The following NSD2 variants were observed in gnomAD, a reference collection of about 807,000 sequenced individuals.
NSD2 encodes the protein nuclear receptor binding SET domain protein 2, also known as histone-lysine N-methyltransferase NSD2.
In NSD2, 12 loss-of-function variants were observed where a neutral mutation model predicts 139.0. The ratio of observed to expected loss-of-function variants is 0.09; its 90% confidence interval spans 0.06 to 0.14. The LOEUF is 0.14. Ranked by LOEUF, NSD2 falls within the 10% of genes least tolerant of loss-of-function variation. The pLI, the probability that NSD2 is intolerant of heterozygous loss-of-function variation, is 1.00. For missense variants in NSD2, 1,155 were observed against 1,745.0 expected (o/e 0.66, Z 6.02); for synonymous variants, 669 against 648.7 (o/e 1.03, Z -0.48).
rs759329018 is a variant in NSD2, at chr4:1,976,888, A to G, written c.3826+209A>G. Among the ~76,000 whole-genome samples, 23 of 152,196 alleles carry G rather than the reference A, an allele frequency of 1.5e-4. No homozygotes were observed. The highest frequency in any genetic ancestry group is 2.2e-4 in the Non-Finnish European group (15 of 68,026). On this transcript the variant is annotated intron_variant, in intron 21 of 21. Transcript: ENST00000508803. The surrounding 1 kb of genome is among the most constrained non-coding windows in gnomAD (Gnocchi z 5.3). ...GATCTCTGCATCGAGCAGAGAAGAT[A>G]TGTGGTGACGGGGTAGCCCCTGGAA...
At chr4:1,927,711 T>C (rs976375877) in intron 5 of NSD2, among the ~76,000 whole-genome samples, 2 of 114,668 alleles carry the variant, frequency 1.7e-5, no homozygotes, top group Non-Finnish European at 3.3e-5. Context: ...AATGAGACTC[T>C]TATCTCAGAA....
rs376461775 is a variant in NSD2, at chr4:1,917,054, C to T, written c.927+17C>T. 1.3e-6 allele frequency: 2 copies of T among 1,580,028 alleles called. No individual in the cohort carries two copies. The highest frequency in any genetic ancestry group is 1.4e-5 in the African/African-American group (1 of 73,380). ...AAAATTAAGGTGATAGATGACCCTT[C>T]AGTCTACTTTTAGACCAGAAATTTA... On this transcript the variant is annotated intron_variant, in intron 4 of 21. Coordinates refer to ENST00000508803, the MANE Select transcript of NSD2 (RefSeq NM_001042424.3).
intron 11 of NSD2, chr4:1,952,666 T>G (rs1484961846): frequency 1.1e-4 from 114 of 1,024,946 alleles, no homozygotes; most frequent in Non-Finnish European, 1.3e-4. Flanking sequence ...AGTGTCACCT[T>G]GAGCCTCAGT....
At chr4:1,872,369 C>T (rs916353401) in intron 1 of NSD2, among the ~76,000 whole-genome samples, 2 of 152,106 alleles carry the variant, frequency 1.3e-5, no homozygotes, top group African/African-American at 4.8e-5. Context: ...TCACAGGAAC[C>T]GTGGTTTAAA....
chr4:1,916,970 A>G lies in NSD2; in HGVS notation c.860A>G (p.Glu287Gly), dbSNP rs746743921. The G allele has an allele frequency of 1.2e-6, 2 of 1,614,044 alleles. No individual in the cohort carries two copies. The highest frequency in any genetic ancestry group is 2.2e-5 in the South Asian group (2 of 91,080). ...AAGAGCCTCGTAGCTTTTGAAGGAGAAGGACAGTTTGAAAAATTATGCCAG... is the reference window on the plus strand; with the variant it reads ...AAGAGCCTCGTAGCTTTTGAAGGAGGAGGACAGTTTGAAAAATTATGCCAG... ...FEKSLVAFEG[E>G]GQFEKLCQES... is the part of the protein sequence containing the mutation. Residue 287 changes from glutamate to glycine, a missense_variant, in exon 4 of 22, where the codon GAA (glutamate) becomes GGA (glycine). By Grantham distance (98) the Glu-to-Gly change is moderately conservative (BLOSUM62 -2). Coordinates refer to ENST00000508803, the MANE Select transcript of NSD2 (RefSeq NM_001042424.3).
At chr4:1,911,503 G>A (rs1452609219) in intron 3 of NSD2, among the ~76,000 whole-genome samples, 4 of 148,486 alleles carry the variant, frequency 2.7e-5, no homozygotes, top group South Asian at 2.1e-4. Context: ...CATGAGAATC[G>A]CTTGAGCCCA....
chr4:1,966,410 G>A (rs889200389), intron 18 of NSD2, among the ~76,000 whole-genome samples: 7 of 151,924 alleles, frequency 4.6e-5, no homozygotes, highest in African/African-American at 7.3e-5. Flanking sequence ...TAATTCCAGC[G>A]CTTTGGGAGG....
At chr4:1,940,246 T>G in intron 9 of NSD2, 1 of 1,076,678 alleles carries the variant, frequency 9.3e-7, no homozygotes, top group East Asian at 4.7e-5. Flanking sequence ...AAGCCAAAGA[T>G]TTCTTTGTTC....
chr4:1,918,824 TA>T (rs1233855031), intron 5 of NSD2: 11 of 676,552 alleles, frequency 1.6e-5, no homozygotes, highest in Non-Finnish European at 1.4e-5. Flanking sequence ...TCTGGGGTCT[TA>T]AAATATCCTT....
intron 4 of NSD2, 99 bp downstream of exon 4, chr4:1,917,136 T>A: frequency 1.8e-6 from 2 of 1,128,892 alleles, no homozygotes; most frequent in Non-Finnish European, 2.4e-6. Flanking sequence ...GCTCGAAATA[T>A]TGTAATGGCT....
chr4:1,938,412 C>CTTTCTTTTTTTTTTTTTTTTTTTTTTTT (rs1722694407), intron 7 of NSD2, 39 bp from the exon 8 acceptor site: 1 of 637,976 alleles, frequency 1.6e-6, no homozygotes. Context: ...TTTTTTTTTT[C>CTTTCTTTTTTTTTTTTTTTTTTTTTTTT]TTTCTTTTTT....
chr4:1,954,352 C>T (rs1190108892), intron 12 of NSD2, among the ~76,000 whole-genome samples: 2 of 151,796 alleles, frequency 1.3e-5, no homozygotes, highest in Non-Finnish European at 2.9e-5. Flanking sequence ...AACTATTAGG[C>T]CACTGCTCTG....
chr4:1,942,852 C>A lies in NSD2; in HGVS notation c.1881+3074C>A. 9.4e-7 allele frequency: 1 copy of A among 1,065,588 alleles called. No individual in the cohort carries two copies. Among genetic ancestry groups the A allele is most frequent in the Non-Finnish European group, 1.1e-6 (1 of 879,352 alleles). 66.0% of individuals were successfully genotyped at this position (1,065,588 alleles called of 1,614,324 possible). On this transcript the variant is annotated intron_variant, in intron 9 of 21. Transcript: ENST00000508803. The surrounding 1 kb of genome is among the most constrained non-coding windows in gnomAD (Gnocchi z 4.0). ...AGTCCTCATCAGCTGTTCTCATTGC[C>A]AGTGAGATATATTCAGTATTGTAGA... is the stretch of plus-strand genomic sequence containing the variant.
chr4:1,913,176 G>T (rs1005851045), intron 3 of NSD2, among the ~76,000 whole-genome samples: 2 of 152,260 alleles, frequency 1.3e-5, no homozygotes, highest in African/African-American at 4.8e-5. Flanking sequence ...ACGAGTGTGA[G>T]CCCTCTGTCA....
intron 3 of NSD2, among the ~76,000 whole-genome samples, chr4:1,911,267 G>C (rs1257540585): frequency 6.6e-6 from 1 of 152,166 alleles, no homozygotes; most frequent in African/African-American, 2.4e-5. Context: ...TTTTTATACA[G>C]ATGGTGATTA....
Position 1,928,307 on chromosome 4 carries a change from T to C in NSD2, c.1411-2319T>C, listed in dbSNP as rs114943300. On this transcript the variant is annotated intron_variant, in intron 5 of 21. Coordinates refer to ENST00000508803, the MANE Select transcript of NSD2 (RefSeq NM_001042424.3). Reference sequence around the variant, plus strand: ...TGTACAAAAGTATATCTAGTACTCCTCAGAATCACCTTATAAGGTAAATAT... The same window carrying C: ...TGTACAAAAGTATATCTAGTACTCCCCAGAATCACCTTATAAGGTAAATAT... Among the ~76,000 whole-genome samples the C allele has an allele frequency of 5.9e-3, 894 of 152,322 alleles. 4 individuals carry two copies. Among genetic ancestry groups the C allele is most frequent in the Non-Finnish European group, 0.01 (685 of 68,032 alleles).
chr4:1,946,886 G>T (rs1383975929), intron 9 of NSD2: 1 of 1,058,656 alleles, frequency 9.4e-7, no homozygotes, highest in Non-Finnish European at 1.1e-6. Context: ...CCATGGTTAC[G>T]TGTTAGGTCC....
At chr4:1,893,710 AT>A (rs1399500522) in intron 1 of NSD2, 1 of 151,844 alleles carries the variant, frequency 6.6e-6, no homozygotes, top group African/African-American at 2.4e-5. Context: ...CACCCAGCTG[AT>A]TTTTGTATTT....
chr4:1,969,626 G>A (rs1286341395), intron 18 of NSD2, among the ~76,000 whole-genome samples: 3 of 151,866 alleles, frequency 2.0e-5, no homozygotes, highest in Admixed American at 2.0e-4. Context: ...AGTATCGCTT[G>A]AGCCCAGGAG....
Sources: gnomAD v4.1 joint callset for allele counts (sites outside exome capture counted in the v4.1 genomes callset) on GRCh38, gnomAD v4.1.1 for gene constraint, Gnocchi (gnomAD v3.1) non-coding constraint, MANE v1.5 for transcripts, NCBI Gene and HGNC (gene_info 2026-07-23, HGNC 2026-07-21) for gene names.